CYSLTR1: variants seen among roughly 807,000 people sequenced by gnomAD.
CYSLTR1 encodes G-protein coupled receptor HG55.
A neutral mutation model predicts 2.1 loss-of-function variants in CYSLTR1; 1 was observed. The observed-to-expected ratio is 0.48, with a 90% CI of 0.17 to 2.28. The LOEUF (loss-of-function observed/expected upper bound fraction) is 2.28, where lower values mean the gene tolerates loss of function less well. Among genes scored for constraint, CYSLTR1 ranks in the 30% most tolerant of loss-of-function variants. CYSLTR1 has a pLI of 0.26. For synonymous variants in CYSLTR1, 110 were observed against 89.6 expected (o/e 1.23, Z -1.28); for missense variants, 299 against 250.1 (o/e 1.20, Z -1.32).
At chrX:78,299,213 G>A (rs948019329) in intron 1 of CYSLTR1, among the ~76,000 whole-genome samples, 1 of 111,687 alleles carries the variant, frequency 9.0e-6, no homozygotes, top group Non-Finnish European at 1.9e-5. Context: ...ACATTTTGTT[G>A]TTTGTATTCA....
chrX:78,319,016 C>T (rs1923531460), intron 1 of CYSLTR1: 1 of 110,544 alleles, frequency 9.0e-6, no homozygotes, highest in African/African-American at 3.3e-5. Flanking sequence ...ACTTATACTT[C>T]AAGATTTAGG....
intron 1 of CYSLTR1, among the ~76,000 whole-genome samples, chrX:78,299,433 A>C (rs938242750): frequency 1.8e-5 from 2 of 110,965 alleles, no homozygotes; most frequent in African/African-American, 6.5e-5. Flanking sequence ...CTCTTTTCAT[A>C]ATTGAAGTAA....
intron 1 of CYSLTR1, among the ~76,000 whole-genome samples, chrX:78,296,561 C>A (rs145721363): frequency 0.013 from 1,432 of 111,629 alleles, 20 homozygotes; most frequent in African/African-American, 0.044. Context: ...TTGGTATCCT[C>A]TTCAATTTCT....
chrX:78,307,648 CATCAGGGG>C (rs781207043), intron 1 of CYSLTR1, among the ~76,000 whole-genome samples: 43 of 111,426 alleles, frequency 3.9e-4, no homozygotes, highest in Non-Finnish European at 6.2e-4. Flanking sequence ...AGGACTTGTA[CATCAGGGG>C]ACAAGAATAC....
At position 78,272,790 on chromosome X, in the gene CYSLTR1, A is replaced by G. The variant is rs1311824859; in HGVS notation, c.957T>C (p.Tyr319=). ...GCAAAGAGGCCTTCTTTCTGGGTAC[A>G]TAAGTCACGCTGGACAAAGAATGCT... is the stretch of plus-strand genomic sequence containing the variant. ...FRKHSLSSVT[Y]VPRKKASLPE... Residue 319 remains tyrosine, a synonymous_variant, in exon 3 of 3, where the codon TAT becomes TAC. Transcript: ENST00000373304. 3 of 1,208,849 alleles carry G rather than the reference A, an allele frequency of 2.5e-6. No individual in the cohort carries two copies. In the South Asian group the frequency reaches 5.3e-5, roughly 21 times the overall value.
intron 1 of CYSLTR1, among the ~76,000 whole-genome samples, chrX:78,307,915 CAA>C (rs776498790): frequency 9.0e-6 from 1 of 111,290 alleles, no homozygotes; most frequent in East Asian, 2.8e-4. Context: ...ATGCTCCAAA[CAA>C]AAAGAGTTTA....
At chrX:78,285,292 G>A (rs1922017125) in intron 1 of CYSLTR1, among the ~76,000 whole-genome samples, 1 of 109,882 alleles carries the variant, frequency 9.1e-6, no homozygotes, top group African/African-American at 3.3e-5. Flanking sequence ...ATGGTGGCGG[G>A]CGCCTTTAGT....
intron 1 of CYSLTR1, among the ~76,000 whole-genome samples, chrX:78,313,449 C>A (rs1160565249): frequency 9.0e-6 from 1 of 111,378 alleles, no homozygotes; most frequent in Non-Finnish European, 1.9e-5. Flanking sequence ...GCACAATGTA[C>A]CCCTTAATCT....
intron 1 of CYSLTR1, chrX:78,319,176 C>T (rs749360139): frequency 1.8e-5 from 2 of 108,921 alleles, no homozygotes; most frequent in African/African-American, 6.7e-5. Context: ...AGGTTTGTTA[C>T]ATATGTATAC....
At chrX:78,298,293 A>G (rs1479695497) in intron 1 of CYSLTR1, among the ~76,000 whole-genome samples, 1 of 111,857 alleles carries the variant, frequency 8.9e-6, no homozygotes, top group Non-Finnish European at 1.9e-5. Context: ...GTGACCTAAC[A>G]TATGGTTTAT....
intron 1 of CYSLTR1, among the ~76,000 whole-genome samples, chrX:78,314,938 G>A (rs1923354631): frequency 9.3e-6 from 1 of 107,942 alleles, no homozygotes; most frequent in South Asian, 4.1e-4. Flanking sequence ...CACCAACCAG[G>A]CCAAGAGAGC....
chrX:78,312,394 C>T (rs1923250721), intron 1 of CYSLTR1, among the ~76,000 whole-genome samples: 1 of 111,464 alleles, frequency 9.0e-6, no homozygotes, highest in Non-Finnish European at 1.9e-5. Flanking sequence ...TAGGAAACAC[C>T]CTTCTCAAGA....
At chrX:78,280,110 C>A (rs1266770515) in intron 2 of CYSLTR1, among the ~76,000 whole-genome samples, 1 of 110,549 alleles carries the variant, frequency 9.0e-6, no homozygotes, top group Non-Finnish European at 1.9e-5. Context: ...CCCCACCCCC[C>A]AAAATTGAAG....
intron 1 of CYSLTR1, among the ~76,000 whole-genome samples, chrX:78,322,790 CG>C (rs1008635530): frequency 3.2e-4 from 36 of 111,767 alleles, no homozygotes; most frequent in Admixed American, 1.9e-4. Flanking sequence ...ACTGATACTT[CG>C]TTGCTGACAG....
In CYSLTR1 at chrX:78,274,252, G is replaced by T. The variant is rs192783091; in HGVS notation, c.-27-479C>A. Among the ~76,000 whole-genome samples, 3 of 111,027 alleles carry T rather than the reference G, an allele frequency of 2.7e-5. No homozygotes were observed. In the Admixed American group the frequency reaches 2.9e-4, roughly 11 times the overall value. On this transcript the variant is annotated intron_variant, in intron 2 of 2. Transcript: ENST00000373304. ...TTGGCTCCCAAAAAGAGCCCACATC[G>T]CCAAATCAATCCTAAGCCAAAAGAA... is the stretch of plus-strand genomic sequence containing the variant.
intron 1 of CYSLTR1, among the ~76,000 whole-genome samples, chrX:78,298,544 C>A (rs1313392346): frequency 9.0e-6 from 1 of 111,201 alleles, no homozygotes; most frequent in Non-Finnish European, 1.9e-5. Context: ...CTTTATATAT[C>A]TGGATGCTCC....
intron 1 of CYSLTR1, among the ~76,000 whole-genome samples, chrX:78,294,256 C>T (rs920531383): frequency 1.8e-5 from 2 of 112,607 alleles, no homozygotes; most frequent in African/African-American, 3.2e-5. Flanking sequence ...AGTTCCACTC[C>T]AGACGCTGTT....
chrX:78,279,957 T>G (rs1406149947), intron 2 of CYSLTR1, among the ~76,000 whole-genome samples: 2 of 110,715 alleles, frequency 1.8e-5, no homozygotes, highest in African/African-American at 3.3e-5. Flanking sequence ...GGAGGTAGGG[T>G]GGAAGGGAGA....
intron 1 of CYSLTR1, chrX:78,320,719 G>A (rs1457852080): frequency 2.7e-5 from 3 of 111,382 alleles, no homozygotes; most frequent in East Asian, 2.8e-4. Flanking sequence ...CCATTTTCAC[G>A]ATCTTGATTC....
Sources: allele counts gnomAD v4.1 joint callset (sites outside exome capture counted in the v4.1 genomes callset), GRCh38; gene constraint gnomAD v4.1.1; transcripts MANE v1.5; gene names NCBI Gene and HGNC (gene_info 2026-07-23, HGNC 2026-07-21).